SAMD12: variants seen among roughly 807,000 people sequenced by gnomAD.
The protein encoded by SAMD12 is sterile alpha motif domain containing 12.
A neutral mutation model predicts 15.0 loss-of-function variants in SAMD12; 9 were observed. The observed-to-expected ratio is 0.60, with a 90% CI of 0.36 to 1.05. The LOEUF (loss-of-function observed/expected upper bound fraction) is 1.05. Ranked by LOEUF, SAMD12 falls within the 50% of genes least tolerant of loss-of-function variation. The probability of loss-of-function intolerance (pLI) is 0.01; values close to 1 mark genes in which losing one functional copy is unlikely to be tolerated. For synonymous variants in SAMD12, 86 were observed against 90.1 expected, an observed-to-expected ratio of 0.96 and a Z score of 0.25; for missense variants, 230 against 234.2, an observed-to-expected ratio of 0.98 and a Z score of 0.12.
chr8:118,496,856 A>T (rs1824628732), intron 2 of SAMD12, among the ~76,000 whole-genome samples: 1 of 151,416 alleles, frequency 6.6e-6, no homozygotes, highest in African/African-American at 2.4e-5. Flanking sequence ...AAGGAACTTA[A>T]GCAAATTTAC....
chr8:118,550,659 T>A (rs376500909), intron 2 of SAMD12, among the ~76,000 whole-genome samples: 33 of 151,734 alleles, frequency 2.2e-4, no homozygotes, highest in Non-Finnish European at 2.8e-4. Context: ...TAATGACAGG[T>A]TCAAATTCAC....
At chr8:118,182,210 A>G in the SAMD12 span, among the ~76,000 whole-genome samples, 1 of 152,216 alleles carries the variant, frequency 6.6e-6, no homozygotes, top group Non-Finnish European at 1.5e-5. Flanking sequence ...AAAACTTGAC[A>G]TCTCCTAAGG....
Position 118,409,152 on chromosome 8 carries a change from G to A in SAMD12, c.323-29452C>T, listed in dbSNP as rs112521782. Among the ~76,000 whole-genome samples, 640 of 152,128 alleles carry A rather than the reference G, an allele frequency of 4.2e-3. 6 individuals are homozygous for A. The highest frequency in any genetic ancestry group is 0.015 in the African/African-American group (614 of 41,480). ...GTTACAAATGGGAAGGGTGTGGAGG[G>A]GAGGAAAAACTGTTAATCTTCACTG... is the stretch of plus-strand genomic sequence containing the variant. On this transcript the variant is annotated intron_variant, in intron 3 of 3. Transcript: ENST00000314727.
the SAMD12 span, among the ~76,000 whole-genome samples, chr8:118,182,672 G>C: frequency 6.6e-6 from 1 of 151,986 alleles, no homozygotes; most frequent in Non-Finnish European, 1.5e-5. Flanking sequence ...ACCATGTGAG[G>C]GCACTGGGTA....
Position 118,543,020 on chromosome 8 carries a change from T to C in SAMD12, c.192+37695A>G, listed in dbSNP as rs1398619390. On this transcript the variant is annotated intron_variant, in intron 2 of 3. Transcript: ENST00000314727. The stretch of plus-strand genomic sequence containing the variant: ...CGAGAAAATAAGGAAGGAAAAAGGA[T>C]GAAAGGATGAAAAAAAGGAAAAAGA... Among the ~76,000 whole-genome samples the C allele has an allele frequency of 2.0e-5, 3 of 149,174 alleles. No individual in the cohort carries two copies. The East Asian group carries it at 5.9e-4, about 29-fold the overall frequency.
intron 1 of SAMD12, among the ~76,000 whole-genome samples, chr8:118,599,353 C>T (rs1320626141): frequency 6.6e-6 from 1 of 152,174 alleles, no homozygotes; most frequent in Non-Finnish European, 1.5e-5. Flanking sequence ...TGTGAACTTC[C>T]TTTTAGTTCT....
At chr8:118,323,354 GTCA>G (rs1444288376) in intron 4 of SAMD12, among the ~76,000 whole-genome samples, 7 of 152,118 alleles carry the variant, frequency 4.6e-5, no homozygotes, top group African/African-American at 1.7e-4. Flanking sequence ...GCATGCATTT[GTCA>G]TCATATTATT....
chr8:118,568,949 C>T (rs1337980610), intron 2 of SAMD12, among the ~76,000 whole-genome samples: 1 of 152,106 alleles, frequency 6.6e-6, no homozygotes, highest in African/African-American at 2.4e-5. Flanking sequence ...AAAAATTCTG[C>T]TTGGTATAAT....
At position 118,379,010 on chromosome 8, in the gene SAMD12, G is replaced by A. The variant is rs931050153; in HGVS notation, c.*407C>T. 5.1e-6 allele frequency: 5 copies of A among 988,400 alleles called. No homozygotes were observed. Among genetic ancestry groups the A allele is most frequent in the Non-Finnish European group, 4.8e-6 (4 of 827,726 alleles). The allele number at this position is 988,400 out of a possible 1,614,324, so 61.2% of individuals were successfully genotyped here. ...ATGGGGTTCTTACAATCTCTAAAGT[G>A]TGTGTGTATAATACATTCATGTATA... is the stretch of plus-strand genomic sequence containing the variant. On this transcript the variant is annotated 3_prime_UTR_variant, in exon 4 of 4. Transcript: ENST00000314727.
intron 2 of SAMD12, among the ~76,000 whole-genome samples, chr8:118,450,657 A>C (rs1823053616): frequency 6.6e-6 from 1 of 152,222 alleles, no homozygotes; most frequent in Admixed American, 6.5e-5. Context: ...TAGATTGATG[A>C]CAAAAAATGT....
At chr8:118,260,804 C>T (rs143545340) in intron 4 of SAMD12, among the ~76,000 whole-genome samples, 4 of 152,250 alleles carry the variant, frequency 2.6e-5, no homozygotes, top group African/African-American at 9.6e-5. Context: ...GGACACACCC[C>T]TTCCCTTTGT....
chr8:118,454,481 C>T (rs1453313698), intron 2 of SAMD12, among the ~76,000 whole-genome samples: 1 of 152,132 alleles, frequency 6.6e-6, no homozygotes, highest in African/African-American at 2.4e-5. Context: ...ACTTAAAGAT[C>T]AAGCCTTGGT....
At chr8:118,133,638 C>A in the SAMD12 span, among the ~76,000 whole-genome samples, 83 of 152,270 alleles carry the variant, frequency 5.5e-4, 1 homozygote, top group African/African-American at 1.9e-3. Flanking sequence ...CAAATACCTT[C>A]CCTGTGTTTC....
At chr8:118,313,705 C>T (rs1329939091) in intron 4 of SAMD12, among the ~76,000 whole-genome samples, 1 of 151,968 alleles carries the variant, frequency 6.6e-6, no homozygotes, top group African/African-American at 2.4e-5. Context: ...AGTTTATATA[C>T]CTCTGAAGAG....
intron 2 of SAMD12, among the ~76,000 whole-genome samples, chr8:118,500,067 C>CAT (rs1824738144): frequency 1.4e-5 from 1 of 72,572 alleles, no homozygotes. Flanking sequence ...TGAGTTTTGC[C>CAT]TTTTTTTTTT....
At chr8:118,219,891 A>T (rs1033379269) in intron 4 of SAMD12, among the ~76,000 whole-genome samples, 1 of 152,248 alleles carries the variant, frequency 6.6e-6, no homozygotes, top group African/African-American at 2.4e-5. Context: ...GCAACTCTCA[A>T]CATTGTGAGA....
intron 2 of SAMD12, among the ~76,000 whole-genome samples, chr8:118,447,731 T>TTTATTTATTTATTTAG: frequency 6.7e-6 from 1 of 149,630 alleles, no homozygotes; most frequent in African/African-American, 2.5e-5. Flanking sequence ...TATTTATTTA[T>TTTATTTATTTATTTAG]TTATTTATTT....
intron 4 of SAMD12, among the ~76,000 whole-genome samples, chr8:118,215,397 C>T (rs1192040837): frequency 6.6e-6 from 1 of 151,852 alleles, no homozygotes; most frequent in African/African-American, 2.4e-5. Context: ...AAAAATAAAT[C>T]TAAATGTTAG....
chr8:118,432,697 C>G (rs1285178707), intron 3 of SAMD12, among the ~76,000 whole-genome samples: 1 of 152,162 alleles, frequency 6.6e-6, no homozygotes, highest in Non-Finnish European at 1.5e-5. Context: ...ATCTAAAACT[C>G]AAGCCAGAAG....
Sources: allele counts gnomAD v4.1 joint callset (sites outside exome capture counted in the v4.1 genomes callset), GRCh38; gene constraint gnomAD v4.1.1; transcripts MANE v1.5; gene names NCBI Gene and HGNC (gene_info 2026-07-23, HGNC 2026-07-21).